Variants in ATRN observed in about 807,000 individuals in gnomAD.
ATRN encodes attractin-2.
In ATRN, 54 loss-of-function variants were observed where a neutral mutation model predicts 178.7. That is an observed-to-expected ratio of 0.30 (90% CI 0.24 to 0.38). The LOEUF (loss-of-function observed/expected upper bound fraction) is 0.38, where lower values mean the gene tolerates loss of function less well. ATRN is among the 10% of genes least tolerant of loss of function. The pLI is 1.00. For synonymous variants in ATRN, 636 were observed against 663.0 expected (o/e 0.96, Z 0.63); for missense variants, 1,443 against 1,815.1 (o/e 0.79, Z 3.73).
intron 15 of ATRN, among the ~76,000 whole-genome samples, chr20:3,581,319 T>TA (rs372273904): frequency 5.3e-5 from 8 of 152,196 alleles, no homozygotes; most frequent in African/African-American, 1.4e-4. Context: ...TAGGAATACT[T>TA]ACCATTTCTT....
At chr20:3,560,513 C>T (rs569401103) in intron 7 of ATRN, 149 bp from the exon 8 acceptor site, 12 of 660,760 alleles carry the variant, frequency 1.8e-5, no homozygotes, top group East Asian at 1.7e-4. Context: ...TACCCAGTAT[C>T]GAAATTGTTG....
At position 3,562,512 on chromosome 20, in the gene ATRN, A is replaced by G. The variant is rs116013056; in HGVS notation, c.1631+53A>G. 613 of 1,561,640 alleles carry G rather than the reference A, an allele frequency of 3.9e-4. 2 individuals are homozygous for G. In the African/African-American group the frequency reaches 7.6e-3, roughly 19 times the overall value. On this transcript the variant is annotated intron_variant, in intron 9 of 28. Coordinates refer to ENST00000262919, the MANE Select transcript of ATRN (RefSeq NM_139321.3). ...TTAAGGTGTAAATTCTGTAGAGGCA[A>G]TTGTGGAGAAAATATTGTGCTATCT...
At chr20:3,639,213 T>C (rs983343597) in intron 27 of ATRN, among the ~76,000 whole-genome samples, 3 of 152,154 alleles carry the variant, frequency 2.0e-5, no homozygotes, top group South Asian at 4.1e-4. Context: ...TACAAAACTT[T>C]TATTTGAAAA....
In ATRN at chr20:3,638,941, AATGTGACTC is replaced by A. The variant is rs763650364; in HGVS notation, c.4050+8_4050+16del. 6.2e-7 allele frequency: 1 copy of A among 1,610,620 alleles called. No homozygotes were observed. Among genetic ancestry groups the A allele is most frequent in the South Asian group, 1.1e-5 (1 of 90,664 alleles). On this transcript the variant is annotated splice_region_variant and intron_variant, in intron 27 of 28. Transcript: ENST00000262919. The surrounding 1 kb of genome is among the most constrained non-coding windows in gnomAD (Gnocchi z 4.5). Reference sequence around the variant, plus strand: ...TTATTGGGGGGAGTATAAAGGTGAGAATGTGACTCAGAAGTCCCTATAACTTGACTTTTT... The same window carrying A: ...TTATTGGGGGGAGTATAAAGGTGAGAAGAAGTCCCTATAACTTGACTTTTT...
chr20:3,507,694 A>ATTTTTTTTTTTTTTTTTTTTTTTTTT (rs55823401), intron 1 of ATRN, among the ~76,000 whole-genome samples: 1 of 114,708 alleles, frequency 8.7e-6, no homozygotes, highest in African/African-American at 3.4e-5. Flanking sequence ...AGTTAAAAAT[A>ATTTTTTTTTTTTTTTTTTTTTTTTTT]TTTTTTTTTT....
rs1166407064 is a variant in ATRN, at chr20:3,489,717, A to T, written c.410+18200A>T. 5.7e-6 allele frequency: 9 copies of T among 1,575,770 alleles called. No homozygotes were observed. In the East Asian group the frequency reaches 1.8e-4, roughly 31 times the overall value. ...ATTAGCAAAGTGAGCAGTGTTTGGG[A>T]TGCCCAAACACCTCATGCCATGAGC... On this transcript the variant is annotated intron_variant, in intron 1 of 28. Transcript: ENST00000262919.
intron 1 of ATRN, among the ~76,000 whole-genome samples, chr20:3,487,154 TTTA>T (rs1342227637): frequency 6.6e-6 from 1 of 152,230 alleles, no homozygotes; most frequent in Non-Finnish European, 1.5e-5. Context: ...GGTTTTATCT[TTTA>T]TTAATAAAAC....
chr20:3,646,898 A>G lies in ATRN; in HGVS notation c.*51A>G, dbSNP rs946812613. 1 of 1,603,928 alleles carries G rather than the reference A, an allele frequency of 6.2e-7. No individual in the cohort carries two copies. The highest frequency in any genetic ancestry group is 1.7e-5 in the Admixed American group (1 of 58,996). On this transcript the variant is annotated 3_prime_UTR_variant, in exon 29 of 29. Coordinates refer to ENST00000262919, the MANE Select transcript of ATRN (RefSeq NM_139321.3). The stretch of plus-strand genomic sequence containing the variant: ...CACGAGCTAGTGAGTGGCACACCAG[A>G]GCCATCTGCAGGGAAGGGCGTGGCG...
intron 24 of ATRN, among the ~76,000 whole-genome samples, chr20:3,604,522 G>A (rs17783039): frequency 6.6e-6 from 1 of 152,194 alleles, no homozygotes. Flanking sequence ...CATTATAAAC[G>A]TATTCACTTC....
chr20:3,647,017 C>A lies in ATRN; in HGVS notation c.*170C>A. 2.3e-6 allele frequency: 2 copies of A among 872,510 alleles called. No homozygotes were observed. Among genetic ancestry groups the A allele is most frequent in the Non-Finnish European group, 3.3e-6 (2 of 606,964 alleles). 54.0% of individuals were successfully genotyped at this position (872,510 alleles called of 1,614,324 possible). On this transcript the variant is annotated 3_prime_UTR_variant, in exon 29 of 29. Transcript: ENST00000262919. Reference sequence around the variant, plus strand: ...CACAAGCTTTCTTTGACGGTTTCTCCCATCCGTGTTCCAGCATCTAACCTT... The same window carrying A: ...CACAAGCTTTCTTTGACGGTTTCTCACATCCGTGTTCCAGCATCTAACCTT...
chr20:3,628,869 A>G (rs768826903), intron 25 of ATRN: 5 of 984,000 alleles, frequency 5.1e-6, no homozygotes, highest in Non-Finnish European at 6.0e-6. Flanking sequence ...AATCTTTTCT[A>G]TTCAGCCTCT....
chr20:3,610,734 G>A (rs1448356252), intron 24 of ATRN, among the ~76,000 whole-genome samples: 1 of 145,900 alleles, frequency 6.9e-6, no homozygotes, highest in African/African-American at 2.6e-5. Context: ...CACCATGCCT[G>A]GCTAATTCTT....
intron 20 of ATRN, among the ~76,000 whole-genome samples, chr20:3,596,137 A>G (rs1042844190): frequency 3.3e-5 from 5 of 152,230 alleles, no homozygotes; most frequent in African/African-American, 4.8e-5. Flanking sequence ...GATTTCTCTC[A>G]TTGCTTTGGC....
chr20:3,600,875 A>C (rs2086598682), intron 22 of ATRN, 71 bp from the exon 23 acceptor site: 3 of 1,393,862 alleles, frequency 2.2e-6, no homozygotes, highest in East Asian at 4.8e-5. Flanking sequence ...AGAGGAGTAA[A>C]CTTTATTGCT....
At chr20:3,474,103 A>G (rs901569174) in intron 1 of ATRN, among the ~76,000 whole-genome samples, 2 of 152,162 alleles carry the variant, frequency 1.3e-5, no homozygotes, top group Non-Finnish European at 2.9e-5. Context: ...TCATCGACCT[A>G]TGAGGGAGAT....
In ATRN at chr20:3,573,033, A is replaced by G. The variant is rs547547836; in HGVS notation, c.2092+82A>G. On this transcript the variant is annotated intron_variant, in intron 12 of 28. Coordinates refer to ENST00000262919, the MANE Select transcript of ATRN (RefSeq NM_139321.3). ...AATTGTGAAGGAACTTAGCATATGT[A>G]TACTTTTTATGTTTACCTTATCCAA... The G allele has an allele frequency of 3.0e-5, 37 of 1,230,392 alleles. 1 individual carries two copies. The African/African-American group carries it at 3.6e-4, about 12-fold the overall frequency. The allele number at this position is 1,230,392 out of a possible 1,614,324, so 76.2% of individuals were successfully genotyped here.
chr20:3,589,187 A>G (rs577390333), intron 18 of ATRN, among the ~76,000 whole-genome samples: 6 of 151,528 alleles, frequency 4.0e-5, no homozygotes, highest in Non-Finnish European at 5.9e-5. Context: ...TTTAGTAGAG[A>G]CAGGGTTTTA....
chr20:3,506,758 T>G (rs1367541900), intron 1 of ATRN, among the ~76,000 whole-genome samples: 2 of 152,018 alleles, frequency 1.3e-5, no homozygotes, highest in Non-Finnish European at 1.5e-5. Context: ...GAAATACACT[T>G]TAAAATAAAT....
chr20:3,526,247 AC>A (rs2085362934), intron 1 of ATRN, among the ~76,000 whole-genome samples: 1 of 152,224 alleles, frequency 6.6e-6, no homozygotes. Context: ...GCATTCCTAT[AC>A]ATCAATAATA....
Sources: gnomAD v4.1 joint callset for allele counts (sites outside exome capture counted in the v4.1 genomes callset) on GRCh38, gnomAD v4.1.1 for gene constraint, Gnocchi (gnomAD v3.1) non-coding constraint, MANE v1.5 for transcripts, NCBI Gene and HGNC (gene_info 2026-07-23, HGNC 2026-07-21) for gene names.